Variants in CDH13 observed in about 807,000 individuals in gnomAD.
CDH13 encodes the protein cadherin 13, also known as cadherin-13.
CDH13 carries 24 observed loss-of-function variants against 63.8 expected under a neutral mutation model. That is an observed-to-expected ratio of 0.38 (90% CI 0.27 to 0.53). CDH13 has a LOEUF of 0.53. Among genes scored for constraint, CDH13 ranks in the 20% least tolerant of loss-of-function variants. The probability of loss-of-function intolerance (pLI) is 0.85; values close to 1 mark genes in which losing one functional copy is unlikely to be tolerated. For synonymous variants in CDH13, 503 were observed against 355.3 expected (o/e 1.42, Z -4.67); for missense variants, 1,049 against 903.1 (o/e 1.16, Z -2.07).
At chr16:83,048,267 G>A (rs1255041976) in intron 3 of CDH13, among the ~76,000 whole-genome samples, 4 of 152,172 alleles carry the variant, frequency 2.6e-5, no homozygotes, top group Non-Finnish European at 5.9e-5. Context: ...AAGAACTCAA[G>A]CATGTATAAG....
intron 1 of CDH13, among the ~76,000 whole-genome samples, chr16:82,831,382 G>C (rs932431765): frequency 1.3e-5 from 2 of 150,898 alleles, no homozygotes; most frequent in Non-Finnish European, 2.9e-5. Flanking sequence ...GCTTCTATTT[G>C]ATAATTATAT....
chr16:82,923,142 G>A (rs372059834), intron 2 of CDH13, among the ~76,000 whole-genome samples: 1 of 152,184 alleles, frequency 6.6e-6, no homozygotes, highest in Non-Finnish European at 1.5e-5. Flanking sequence ...GGGTTGCCAC[G>A]AAGCTGCAAT....
intron 4 of CDH13, among the ~76,000 whole-genome samples, chr16:83,173,904 A>G (rs9929770): frequency 0.079 from 11,955 of 152,084 alleles, 952 homozygotes; most frequent in African/African-American, 0.2. Context: ...ATGACTTAGA[A>G]CATGCCATCC....
chr16:82,730,327 G>A (rs1212831485), intron 1 of CDH13, among the ~76,000 whole-genome samples: 1 of 152,042 alleles, frequency 6.6e-6, no homozygotes, highest in Non-Finnish European at 1.5e-5. Flanking sequence ...CCTTTTCCTT[G>A]AGCATTTAGA....
intron 4 of CDH13, among the ~76,000 whole-genome samples, chr16:83,155,707 G>A (rs2037179366): frequency 6.6e-6 from 1 of 152,172 alleles, no homozygotes; most frequent in Admixed American, 6.5e-5. Flanking sequence ...AGCAGGGATG[G>A]GGGTGAGATG....
chr16:82,726,831 G>A (rs1193897630), intron 1 of CDH13, among the ~76,000 whole-genome samples: 2 of 152,144 alleles, frequency 1.3e-5, no homozygotes, highest in Non-Finnish European at 2.9e-5. Flanking sequence ...ACTACATCAT[G>A]AGGAAAATAG....
intron 5 of CDH13, among the ~76,000 whole-genome samples, chr16:83,266,593 C>A (rs888690273): frequency 1.3e-5 from 2 of 152,228 alleles, no homozygotes; most frequent in Non-Finnish European, 1.5e-5. Context: ...CCCCTCTTCA[C>A]ACTCCAGGGA....
intron 6 of CDH13, among the ~76,000 whole-genome samples, chr16:83,348,547 C>A (rs74541123): frequency 0.082 from 12,456 of 152,232 alleles, 702 homozygotes; most frequent in Non-Finnish European, 0.12. Flanking sequence ...CTTGGTTTAG[C>A]GTTCTGCTGT....
At chr16:82,804,312 C>CACAT (rs58046063) in intron 1 of CDH13, among the ~76,000 whole-genome samples, 22,006 of 148,214 alleles carry the variant, frequency 0.15, 2,340 homozygotes, top group East Asian at 0.3. Flanking sequence ...CACACACACA[C>CACAT]GCACACACAT....
chr16:83,172,704 C>T (rs1040043045), intron 4 of CDH13, among the ~76,000 whole-genome samples: 7 of 152,030 alleles, frequency 4.6e-5, no homozygotes, highest in Non-Finnish European at 8.8e-5. Flanking sequence ...CAATCAATTT[C>T]TGTTGCTTAA....
At chr16:82,718,350 C>T (rs78335319) in intron 1 of CDH13, among the ~76,000 whole-genome samples, 9,395 of 152,188 alleles carry the variant, frequency 0.062, 313 homozygotes, top group African/African-American at 0.072. Context: ...CTGTAGGGCA[C>T]AGGTGAGTGA....
intron 6 of CDH13, among the ~76,000 whole-genome samples, chr16:83,352,588 G>C (rs963033593): frequency 2.0e-5 from 3 of 152,128 alleles, no homozygotes; most frequent in Admixed American, 2.0e-4. Flanking sequence ...ATACTATTCA[G>C]CCATATAAAA....
rs1191033752 is a variant in CDH13, at chr16:83,797,998, T to G, written c.*2968T>G. ...TCCAGGCAGATATACCTGCTGTGCC[T>G]CTTGGCCGACACCAGCAAATCTAAG... On this transcript the variant is annotated 3_prime_UTR_variant, in exon 14 of 14. Coordinates refer to ENST00000567109, the MANE Select transcript of CDH13 (RefSeq NM_001257.5). The G allele has an allele frequency of 6.6e-6, 1 of 152,222 alleles. No homozygotes were observed. Among genetic ancestry groups the G allele is most frequent in the Non-Finnish European group, 1.5e-5 (1 of 68,038 alleles). The allele number at this position is 152,222 out of a possible 1,614,324, so 9.4% of individuals were successfully genotyped here.
intron 5 of CDH13, among the ~76,000 whole-genome samples, chr16:83,314,504 T>A (rs2151888696): frequency 6.6e-6 from 1 of 152,206 alleles, no homozygotes; most frequent in Non-Finnish European, 1.5e-5. Flanking sequence ...TTAAATATGA[T>A]CAATATGCCT....
At chr16:82,796,363 A>T (rs1409457338) in intron 1 of CDH13, among the ~76,000 whole-genome samples, 1 of 152,064 alleles carries the variant, frequency 6.6e-6, no homozygotes, top group Admixed American at 6.5e-5. Flanking sequence ...CACCTTCAAC[A>T]TCTCCCCAGG....
chr16:82,713,930 A>G (rs1440698090), intron 1 of CDH13, among the ~76,000 whole-genome samples: 1 of 152,130 alleles, frequency 6.6e-6, no homozygotes, highest in African/African-American at 2.4e-5. Flanking sequence ...TAAGTACTCA[A>G]ATCATACCCT....
rs1324018081 is a variant in CDH13, at chr16:83,118,004, G to C, written c.367-7381G>C. On this transcript the variant is annotated intron_variant, in intron 3 of 13. Transcript: ENST00000567109. ...ATGAAACCGGAGATCTTTGTGTAGG[G>C]ATGACAGTCCTCCTCTAATAGAATC... 3.9e-5 allele frequency among the ~76,000 whole-genome samples: 6 copies of C among 152,322 alleles called. No individual in the cohort carries two copies. In the South Asian group the frequency reaches 1.0e-3, roughly 26 times the overall value.
At chr16:82,810,089 C>G (rs1370212183) in intron 1 of CDH13, among the ~76,000 whole-genome samples, 1 of 152,190 alleles carries the variant, frequency 6.6e-6, no homozygotes, top group East Asian at 1.9e-4. Context: ...TAGTTGCTGA[C>G]AACCCTCCAT....
At chr16:83,326,081 T>G (rs2090353499) in intron 5 of CDH13, among the ~76,000 whole-genome samples, 2 of 152,338 alleles carry the variant, frequency 1.3e-5, no homozygotes, top group South Asian at 2.1e-4. Context: ...ATAAGTCATC[T>G]GAATTGATAG....
Sources: gnomAD v4.1 joint callset for allele counts (sites outside exome capture counted in the v4.1 genomes callset) on GRCh38, gnomAD v4.1.1 for gene constraint, MANE v1.5 for transcripts, NCBI Gene and HGNC (gene_info 2026-07-23, HGNC 2026-07-21) for gene names.